The following LRP12 variants were observed in gnomAD, a reference collection of about 807,000 sequenced individuals.
LRP12 encodes low-density lipoprotein receptor-related protein 12.
A neutral mutation model predicts 66.0 loss-of-function variants in LRP12; 14 were observed. The observed-to-expected ratio is 0.21, with a 90% CI of 0.14 to 0.33. The LOEUF is 0.33. Ranked by LOEUF, LRP12 falls within the 10% of genes least tolerant of loss-of-function variation. LRP12 has a pLI of 1.00. For synonymous variants in LRP12, 357 were observed against 359.1 expected, an observed-to-expected ratio of 0.99 and a Z score of 0.07; for missense variants, 889 against 1,053.4, an observed-to-expected ratio of 0.84 and a Z score of 2.16.
rs1349058890 is a variant in LRP12 at position 104,490,126 on chromosome 8, T to A, written c.*547A>T. 6.6e-6 allele frequency: 1 copy of A among 152,510 alleles called. No individual in the cohort carries two copies. The highest frequency in any genetic ancestry group is 1.5e-5 in the Non-Finnish European group (1 of 68,006). The allele number at this position is 152,510 out of a possible 1,614,324, so 9.4% of individuals were successfully genotyped here. A position where few individuals can be genotyped will look rare whatever the true frequency, so the allele number is the denominator to read the frequency against. On this transcript the variant is annotated 3_prime_UTR_variant, in exon 7 of 7. Coordinates refer to ENST00000276654, the MANE Select transcript of LRP12 (RefSeq NM_013437.5). The stretch of plus-strand genomic sequence containing the variant: ...TTGTATGTTAAACGTAAGAGAAAAA[T>A]TTTTAGACAGTTTGTTTCCCACTGA...
chr8:104,499,594 ATAT>A, intron 3 of LRP12, 75 bp from the exon 4 acceptor site: 1 of 980,578 alleles, frequency 1.0e-6, no homozygotes, highest in Non-Finnish European at 1.5e-6. Flanking sequence ...GTAACTGAGG[ATAT>A]TATTATAAGC....
chr8:104,534,950 C>A (rs773756500), intron 1 of LRP12, among the ~76,000 whole-genome samples: 2 of 151,316 alleles, frequency 1.3e-5, no homozygotes, highest in Non-Finnish European at 3.0e-5. Flanking sequence ...CACCACCAAT[C>A]TTACTATGAC....
chr8:104,544,399 G>T (rs984767001), intron 1 of LRP12, among the ~76,000 whole-genome samples: 23 of 152,126 alleles, frequency 1.5e-4, no homozygotes, highest in Admixed American at 7.9e-4. Flanking sequence ...ACTAATGAAG[G>T]TGGCTACACG....
intron 1 of LRP12, among the ~76,000 whole-genome samples, chr8:104,554,282 GACTT>G (rs1811771220): frequency 1.3e-5 from 2 of 152,136 alleles, no homozygotes; most frequent in African/African-American, 4.8e-5. Context: ...AGAAATCTCT[GACTT>G]GCCAGAAAAA....
chr8:104,533,237 A>C (rs534210947), intron 1 of LRP12, among the ~76,000 whole-genome samples: 1 of 152,208 alleles, frequency 6.6e-6, no homozygotes, highest in East Asian at 1.9e-4. Flanking sequence ...TCTTTTTCTC[A>C]TTTATTGTTA....
At chr8:104,581,377 T>A (rs891895492) in intron 1 of LRP12, among the ~76,000 whole-genome samples, 1 of 152,162 alleles carries the variant, frequency 6.6e-6, no homozygotes, top group Admixed American at 6.5e-5. Flanking sequence ...CTAGATATGA[T>A]GTAACATATC....
chr8:104,547,692 A>G (rs1288877382), intron 1 of LRP12, among the ~76,000 whole-genome samples: 2 of 126,670 alleles, frequency 1.6e-5, no homozygotes, highest in Non-Finnish European at 3.1e-5. Context: ...ATAATATAAA[A>G]TCATATATTA....
Position 104,584,387 on chromosome 8 carries a change from A to G in LRP12, c.79+4432T>C, listed in dbSNP as rs566643910. On this transcript the variant is annotated intron_variant, in intron 1 of 6. Transcript: ENST00000276654. ...TTGTGGTATCACTGGTAAAGTGGGG[A>G]AAAAAAAAAGGAACAACATCTCATA... Among the ~76,000 whole-genome samples, 244 of 148,686 alleles carry G rather than the reference A, an allele frequency of 1.6e-3. 1 individual carries two copies. Among genetic ancestry groups the G allele is most frequent in the African/African-American group, 5.3e-3 (214 of 40,726 alleles).
intron 6 of LRP12, among the ~76,000 whole-genome samples, chr8:104,494,147 T>C (rs946150359): frequency 2.6e-5 from 4 of 152,154 alleles, no homozygotes; most frequent in African/African-American, 7.2e-5. Context: ...AACTGTGATC[T>C]GATTCTTACC....
rs536860712 is a variant in LRP12 at position 104,512,598 on chromosome 8, G to A, written c.137-3524C>T. Among the ~76,000 whole-genome samples the A allele has an allele frequency of 1.1e-4, 17 of 152,104 alleles. No homozygotes were observed. In the South Asian group the frequency reaches 3.5e-3, roughly 32 times the overall value. ...AGTGACATACAGCCAAAAACAAGGTGGGATTAATCTAGGACAAAGAACATT... is the reference window on the plus strand; with the variant it reads ...AGTGACATACAGCCAAAAACAAGGTAGGATTAATCTAGGACAAAGAACATT... On this transcript the variant is annotated intron_variant, in intron 2 of 6. Coordinates refer to ENST00000276654, the MANE Select transcript of LRP12 (RefSeq NM_013437.5).
chr8:104,552,204 T>C (rs1235943348), intron 1 of LRP12, among the ~76,000 whole-genome samples: 1 of 152,208 alleles, frequency 6.6e-6, no homozygotes, highest in Non-Finnish European at 1.5e-5. Context: ...CTTCAGTCTT[T>C]AGATTGTAAG....
chr8:104,566,971 T>G (rs1812014291), intron 1 of LRP12, among the ~76,000 whole-genome samples: 1 of 151,722 alleles, frequency 6.6e-6, no homozygotes, highest in Non-Finnish European at 1.5e-5. Context: ...AATTATATAC[T>G]GATTACAAAA....
In LRP12 at chr8:104,588,956, G is replaced by GGTAGACGAC; in HGVS notation, c.-68_-60dup. On this transcript the variant is annotated 5_prime_UTR_variant, in exon 1 of 7. Coordinates refer to ENST00000276654, the MANE Select transcript of LRP12 (RefSeq NM_013437.5). The stretch of plus-strand genomic sequence containing the variant: ...GGAGGAGGAGGGAGGAGAAGCTGGA[G>GGTAGACGAC]GTAGACGACGCCGACGCCGCCGCCG... 8.7e-7 allele frequency: 1 copy of GGTAGACGAC among 1,154,856 alleles called. No homozygotes were observed. The highest frequency in any genetic ancestry group is 1.2e-6 in the Non-Finnish European group (1 of 827,046). The allele number at this position is 1,154,856 out of a possible 1,614,324, so 71.5% of individuals were successfully genotyped here.
chr8:104,552,517 A>ATT (rs148055665), intron 1 of LRP12, among the ~76,000 whole-genome samples: 2 of 149,078 alleles, frequency 1.3e-5, no homozygotes, highest in Non-Finnish European at 1.5e-5. Context: ...TAAAAATACA[A>ATT]TTTTTTTTTT....
chr8:104,537,859 C>G (rs1037099021), intron 1 of LRP12, among the ~76,000 whole-genome samples: 1 of 152,094 alleles, frequency 6.6e-6, no homozygotes, highest in Non-Finnish European at 1.5e-5. Context: ...CTATAAAGTT[C>G]TAGAACAGGA....
At chr8:104,545,650 A>G (rs1342859527) in intron 1 of LRP12, among the ~76,000 whole-genome samples, 1 of 152,200 alleles carries the variant, frequency 6.6e-6, no homozygotes, top group African/African-American at 2.4e-5. Flanking sequence ...AAGCAATAAA[A>G]TATTTTTAAA....
chr8:104,588,967 C>CCGA lies in LRP12; in HGVS notation c.-73_-71dup, dbSNP rs765102355. The CCGA allele has an allele frequency of 8.1e-5, 72 of 892,962 alleles. 2 individuals carry two copies. Among genetic ancestry groups the CCGA allele is most frequent in the East Asian group, 2.3e-4 (7 of 30,768 alleles). The allele number at this position is 892,962 out of a possible 1,614,324, so 55.3% of individuals were successfully genotyped here. A position where few individuals can be genotyped will look rare whatever the true frequency, so the allele number is the denominator to read the frequency against. ...GAGGAGAAGCTGGAGGTAGACGACG[C>CCGA]CGACGCCGCCGCCGCCGCCGCCGCC... On this transcript the variant is annotated 5_prime_UTR_variant, in exon 1 of 7. Coordinates refer to ENST00000276654, the MANE Select transcript of LRP12 (RefSeq NM_013437.5).
At chr8:104,547,797 T>C (rs1252245950) in intron 1 of LRP12, among the ~76,000 whole-genome samples, 55 of 129,048 alleles carry the variant, frequency 4.3e-4, no homozygotes, top group African/African-American at 1.5e-3. Context: ...TATATAATTA[T>C]ATATTATATA....
chr8:104,556,539 G>T (rs1811811012), intron 1 of LRP12, among the ~76,000 whole-genome samples: 1 of 152,024 alleles, frequency 6.6e-6, no homozygotes, highest in Non-Finnish European at 1.5e-5. Context: ...AGAAAACCTA[G>T]AGAAGATGAA....
Sources: gnomAD v4.1 joint callset for allele counts (sites outside exome capture counted in the v4.1 genomes callset) on GRCh38, gnomAD v4.1.1 for gene constraint, MANE v1.5 for transcripts, NCBI Gene and HGNC (gene_info 2026-07-23, HGNC 2026-07-21) for gene names.